DDX27: variants seen among roughly 807,000 people sequenced by gnomAD.
DDX27 encodes the protein DEAD-box helicase 27.
A neutral mutation model predicts 99.3 loss-of-function variants in DDX27; 42 were observed. That is an observed-to-expected ratio of 0.42 (90% CI 0.33 to 0.55). DDX27 has a LOEUF of 0.55. Among genes scored for constraint, DDX27 ranks in the 20% least tolerant of loss-of-function variants. The probability of loss-of-function intolerance (pLI) is 0.07; values close to 1 mark genes in which losing one functional copy is unlikely to be tolerated. For synonymous variants in DDX27, 329 were observed against 353.8 expected, an observed-to-expected ratio of 0.93 and a Z score of 0.79; for missense variants, 798 against 976.8, an observed-to-expected ratio of 0.82 and a Z score of 2.44.
intron 1 of DDX27, 101 bp downstream of exon 1, chr20:49,219,642 C>G: frequency 7.8e-7 from 1 of 1,289,726 alleles, no homozygotes; most frequent in Non-Finnish European, 1.0e-6. Context: ...CTGCCAGCCC[C>G]GGAAGTTTCC....
intron 1 of DDX27, among the ~76,000 whole-genome samples, chr20:49,220,414 CTCTT>C (rs920553054): frequency 5.9e-5 from 9 of 152,342 alleles, no homozygotes; most frequent in Admixed American, 4.6e-4. Context: ...TCATCTTCAT[CTCTT>C]TATCTTGAGC....
rs542758724 is a variant in DDX27 at position 49,229,083 on chromosome 20, G to A, written c.880+195G>A. Among the ~76,000 whole-genome samples, 171 of 145,588 alleles carry A rather than the reference G, an allele frequency of 1.2e-3. 1 individual carries two copies. The highest frequency in any genetic ancestry group is 3.7e-3 in the Middle Eastern group (1 of 272). The stretch of plus-strand genomic sequence containing the variant: ...GGAGGAGTCTCGCTCTGTCGCCCAG[G>A]CTGGAGTGCAGTGGCGCAATCTTGG... On this transcript the variant is annotated intron_variant, in intron 8 of 20. Transcript: ENST00000618172.
At chr20:49,223,107 G>A (rs1281938462) in intron 3 of DDX27, 91 bp downstream of exon 3, 4 of 1,417,610 alleles carry the variant, frequency 2.8e-6, no homozygotes, top group Admixed American at 2.0e-5. Flanking sequence ...CTTATAGAGC[G>A]GGGCATGGCT....
At position 49,223,448 on chromosome 20, in the gene DDX27, G is replaced by A. The variant is rs566534472; in HGVS notation, c.466+15G>A. On this transcript the variant is annotated intron_variant, in intron 4 of 20. Coordinates refer to ENST00000618172, the MANE Select transcript of DDX27 (RefSeq NM_017895.8). ...CACCAAAGCAGGTAGACGTTACGGC[G>A]GAGGTGTCAGTAATGGGGACAGGAG... The A allele has an allele frequency of 6.9e-6, 11 of 1,599,242 alleles. No individual in the cohort carries two copies. The highest frequency in any genetic ancestry group is 1.8e-5 in the Admixed American group (1 of 56,618).
At chr20:49,243,525 C>A (rs1473754736) in intron 19 of DDX27, 104 bp from the exon 20 acceptor site, 20 of 982,358 alleles carry the variant, frequency 2.0e-5, no homozygotes, top group Non-Finnish European at 3.1e-5. Flanking sequence ...ATGATGCATC[C>A]CAGAGATGCT....
chr20:49,231,544 T>C (rs1279185126), intron 9 of DDX27, among the ~76,000 whole-genome samples: 1 of 152,232 alleles, frequency 6.6e-6, no homozygotes, highest in Non-Finnish European at 1.5e-5. Context: ...CTCTGTGTGA[T>C]ACCTGGACCT....
chr20:49,242,257 CTG>C (rs1980504820), intron 18 of DDX27, 51 bp downstream of exon 18: 1 of 1,602,162 alleles, frequency 6.2e-7, no homozygotes, highest in African/African-American at 1.3e-5. Context: ...TCCCTGAAAC[CTG>C]TGCTTTGGGT....
At chr20:49,231,521 GATC>G (rs1214905199) in intron 9 of DDX27, among the ~76,000 whole-genome samples, 2 of 152,202 alleles carry the variant, frequency 1.3e-5, no homozygotes, top group Non-Finnish European at 2.9e-5. Flanking sequence ...TTGAGATTTA[GATC>G]AGGAGACAGC....
At position 49,227,428 on chromosome 20, in the gene DDX27, G is replaced by A. The variant is rs374184870; in HGVS notation, c.706+893G>A. On this transcript the variant is annotated intron_variant, in intron 7 of 20. Coordinates refer to ENST00000618172, the MANE Select transcript of DDX27 (RefSeq NM_017895.8). ...GTCACCCAGGCTGGAGTGCGGTGGC[G>A]CAATCTCGGCTCACTGCAACCTCTG... Among the ~76,000 whole-genome samples, 10 of 152,134 alleles carry A rather than the reference G, an allele frequency of 6.6e-5. No homozygotes were observed. In the East Asian group the frequency reaches 1.4e-3, roughly 21 times the overall value.
At chr20:49,241,759 G>A (rs1980482516) in intron 16 of DDX27, 134 bp from the exon 17 acceptor site, 2 of 947,700 alleles carry the variant, frequency 2.1e-6, no homozygotes, top group Non-Finnish European at 3.3e-6. Context: ...ACGAGCTACT[G>A]CACTCGGCCA....
chr20:49,224,685 A>G (rs1979813457), intron 4 of DDX27: 1 of 426,974 alleles, frequency 2.3e-6, no homozygotes, highest in African/African-American at 2.0e-5. Flanking sequence ...TCTTGCAGAA[A>G]TGTGTGCTAA....
At chr20:49,233,780 A>G in intron 11 of DDX27, 71 bp downstream of exon 11, 2 of 1,552,564 alleles carry the variant, frequency 1.3e-6, no homozygotes, top group Non-Finnish European at 1.8e-6. Context: ...TCCATGCTGA[A>G]GTGCTTGGTT....
chr20:49,228,942 G>A, intron 8 of DDX27, 54 bp downstream of exon 8: 1 of 1,479,574 alleles, frequency 6.8e-7, no homozygotes, highest in East Asian at 2.5e-5. Flanking sequence ...TGGGGTGGAG[G>A]ATGGATGTGC....
intron 2 of DDX27, among the ~76,000 whole-genome samples, chr20:49,222,065 T>C (rs1268111158): frequency 6.6e-6 from 1 of 152,158 alleles, no homozygotes; most frequent in Non-Finnish European, 1.5e-5. Context: ...AAGAGAAATA[T>C]TGCCTGTCCA....
intron 4 of DDX27, among the ~76,000 whole-genome samples, chr20:49,223,822 A>C (rs887053858): frequency 5.9e-5 from 9 of 152,134 alleles, no homozygotes; most frequent in Admixed American, 5.2e-4. Flanking sequence ...CAGAGGTTGC[A>C]GTGAGCTGAG....
Position 49,239,336 on chromosome 20 carries a change from A to G in DDX27, c.1895A>G (p.Lys632Arg), listed in dbSNP as rs879465911. ...FQTKEERKKE[K>R]IAKALQEFDL... ...ACCAAAGAAGAGAGGAAGAAGGAGA[A>G]AAGTAAGTCAGGGAGGTTCCGCAGA... The change falls in exon 16 of 21, where the codon AAA becomes AGA. Residue 632 changes from lysine (K) to arginine (R), a missense_variant and splice_region_variant. Lys to Arg is a conservative substitution (Grantham distance 26). Coordinates refer to ENST00000618172, the MANE Select transcript of DDX27 (RefSeq NM_017895.8). 1 of 1,608,372 alleles carries G rather than the reference A, an allele frequency of 6.2e-7. No homozygotes were observed. Among genetic ancestry groups the G allele is most frequent in the Non-Finnish European group, 8.5e-7 (1 of 1,176,478 alleles).
intron 5 of DDX27, 25 bp from the exon 6 acceptor site, chr20:49,225,088 T>G: frequency 6.2e-7 from 1 of 1,612,922 alleles, no homozygotes. Context: ...TGAATTCTCT[T>G]CTCTCTTTTG....
Position 49,235,057 on chromosome 20 carries a change from T to C in DDX27, c.1396T>C (p.Leu466=). 6.2e-7 allele frequency: 1 copy of C among 1,612,214 alleles called. No individual in the cohort carries two copies. The highest frequency in any genetic ancestry group is 1.1e-5 in the South Asian group (1 of 90,870). ...GCAGGTGGGTGAGCTCCATGGCAAC[T>C]TGTCACAGACGCAGCGGCTGGAGGC... ...GLQVGELHGN[L]SQTQRLEALR... Residue 466 remains leucine (L), a synonymous_variant, in exon 12 of 21, where the codon TTG becomes CTG. Coordinates refer to ENST00000618172, the MANE Select transcript of DDX27 (RefSeq NM_017895.8).
In DDX27 at chr20:49,226,441, C is replaced by G; in HGVS notation, c.612C>G (p.Ala204=). 1 of 1,613,706 alleles carries G rather than the reference C, an allele frequency of 6.2e-7. No individual in the cohort carries two copies. Among genetic ancestry groups the G allele is most frequent in the South Asian group, 1.1e-5 (1 of 91,040 alleles). The change falls in exon 7 of 21, where the codon GCC becomes GCG. Residue 204 remains alanine (A), a synonymous_variant. Transcript: ENST00000618172. ...LSRPLLKAIT[A]MGFKQPTPIQ... ...TCTTTTTTCCTCAGGCCATTACAGCCATGGGCTTCAAGCAGCCCACCCCGA... is the reference window on the plus strand; with the variant it reads ...TCTTTTTTCCTCAGGCCATTACAGCGATGGGCTTCAAGCAGCCCACCCCGA...
Sources: allele counts gnomAD v4.1 joint callset (sites outside exome capture counted in the v4.1 genomes callset), GRCh38; gene constraint gnomAD v4.1.1; transcripts MANE v1.5; gene names NCBI Gene and HGNC (gene_info 2026-07-23, HGNC 2026-07-21).